Variants in OLFM2 observed in about 807,000 individuals in gnomAD.
The protein encoded by OLFM2 is noelin-2.
A neutral mutation model predicts 43.9 loss-of-function variants in OLFM2; 20 were observed. That is an observed-to-expected ratio of 0.46 (90% CI 0.32 to 0.66). OLFM2 has a LOEUF of 0.66. Ranked by LOEUF, OLFM2 falls within the 30% of genes least tolerant of loss-of-function variation. OLFM2 has a pLI of 0.04. For synonymous variants in OLFM2, 268 were observed against 278.6 expected (o/e 0.96, Z 0.38); for missense variants, 416 against 643.6 (o/e 0.65, Z 3.83).
chr19:9,919,420 C>A (rs2086406168), intron 1 of OLFM2, among the ~76,000 whole-genome samples: 1 of 151,958 alleles, frequency 6.6e-6, no homozygotes, highest in African/African-American at 2.4e-5. Context: ...CCTGCCTCGG[C>A]CTCCCAAAGT....
chr19:9,914,234 C>T (rs1373717204), intron 1 of OLFM2, among the ~76,000 whole-genome samples: 2 of 152,108 alleles, frequency 1.3e-5, no homozygotes, highest in Admixed American at 6.5e-5. Context: ...CGCAAATCCC[C>T]ACCCACCCAC....
intron 1 of OLFM2, among the ~76,000 whole-genome samples, chr19:9,872,475 A>G (rs897868254): frequency 1.3e-5 from 2 of 151,776 alleles, no homozygotes; most frequent in Non-Finnish European, 2.9e-5. Flanking sequence ...AGATCACGCC[A>G]CTGCACTCCA....
intron 1 of OLFM2, among the ~76,000 whole-genome samples, chr19:9,929,303 A>C (rs2086469611): frequency 6.6e-6 from 1 of 152,060 alleles, no homozygotes; most frequent in Admixed American, 6.6e-5. Context: ...TCTCTAAATG[A>C]ATACATGGGC....
At chr19:9,902,898 G>C (rs1273191595) in intron 1 of OLFM2, among the ~76,000 whole-genome samples, 1 of 150,978 alleles carries the variant, frequency 6.6e-6, no homozygotes, top group Admixed American at 6.6e-5. Context: ...GACTGGTCTT[G>C]AACTCCTGAG....
chr19:9,912,438 G>C (rs550730908), intron 1 of OLFM2, among the ~76,000 whole-genome samples: 1 of 152,180 alleles, frequency 6.6e-6, no homozygotes, highest in African/African-American at 2.4e-5. Flanking sequence ...TGGGGCTAAA[G>C]AAAGGGAGCC....
At position 9,857,144 on chromosome 19, in the gene OLFM2, G is replaced by C. The variant is rs2046325708; in HGVS notation, c.580+119C>G. ...TGTAGCCTTAGGTAGGAAGGTCAAG[G>C]GTTGAGGTTTAAAAGTTAGAGGTCA... On this transcript the variant is annotated intron_variant, in intron 4 of 5. Transcript: ENST00000264833. The surrounding 1 kb of genome is among the most constrained non-coding windows in gnomAD (Gnocchi z 5.7). 13 of 1,049,224 alleles carry C rather than the reference G, an allele frequency of 1.2e-5. No individual in the cohort carries two copies. The highest frequency in any genetic ancestry group is 1.9e-5 in the Non-Finnish European group (13 of 688,558). 65.0% of individuals were successfully genotyped at this position (1,049,224 alleles called of 1,614,324 possible).
chr19:9,875,781 T>G (rs1447752798), intron 1 of OLFM2, among the ~76,000 whole-genome samples: 6 of 152,038 alleles, frequency 3.9e-5, no homozygotes, highest in Non-Finnish European at 8.8e-5. Context: ...GTGCTGGGAT[T>G]ACAGGTATGA....
intron 2 of OLFM2, 139 bp downstream of exon 2, chr19:9,860,506 G>A (rs1387674565): frequency 8.5e-6 from 7 of 826,098 alleles, no homozygotes; most frequent in Admixed American, 8.2e-5. Context: ...CCTGCCTGGA[G>A]AGGAGCTGGA....
At chr19:9,925,296 A>G (rs2086446150) in intron 1 of OLFM2, among the ~76,000 whole-genome samples, 1 of 152,130 alleles carries the variant, frequency 6.6e-6, no homozygotes, top group Non-Finnish European at 1.5e-5. Context: ...TATTCAGTTG[A>G]CAAAAACGTT....
chr19:9,879,925 C>T (rs1053529558), intron 1 of OLFM2, among the ~76,000 whole-genome samples: 1 of 152,012 alleles, frequency 6.6e-6, no homozygotes, highest in Admixed American at 6.6e-5. Flanking sequence ...TACAGGTGCA[C>T]ACCACCATGC....
intron 1 of OLFM2, among the ~76,000 whole-genome samples, chr19:9,926,064 G>A (rs2086450731): frequency 6.6e-6 from 1 of 151,996 alleles, no homozygotes. Context: ...TGGAGCCCAG[G>A]AGATAGAGGT....
intron 1 of OLFM2, among the ~76,000 whole-genome samples, chr19:9,908,027 A>T (rs992757407): frequency 1.2e-4 from 19 of 152,110 alleles, no homozygotes; most frequent in South Asian, 2.1e-4. Context: ...AATAAAATTT[A>T]AAAATTTTAA....
intron 1 of OLFM2, among the ~76,000 whole-genome samples, chr19:9,880,134 G>A (rs2046527173): frequency 1.3e-5 from 2 of 152,234 alleles, no homozygotes; most frequent in South Asian, 4.1e-4. Flanking sequence ...AAAGTGCCAG[G>A]ATTACAGATG....
intron 1 of OLFM2, among the ~76,000 whole-genome samples, chr19:9,935,427 T>C (rs2086509276): frequency 6.6e-6 from 1 of 151,900 alleles, no homozygotes; most frequent in African/African-American, 2.4e-5. Context: ...AAAGGTGCCA[T>C]GGGGAGGGAG....
chr19:9,870,665 C>T (rs577713862), intron 1 of OLFM2, among the ~76,000 whole-genome samples: 38 of 152,244 alleles, frequency 2.5e-4, no homozygotes, highest in Non-Finnish European at 1.3e-4. Context: ...TCCCCGCACT[C>T]TCCCCTTCTT....
At chr19:9,863,229 G>A (rs1330003062) in intron 1 of OLFM2, among the ~76,000 whole-genome samples, 2 of 152,154 alleles carry the variant, frequency 1.3e-5, no homozygotes, top group Admixed American at 1.3e-4. Flanking sequence ...CATGTGGCTG[G>A]AGCAGATTGA....
At chr19:9,882,803 A>G (rs10414943) in intron 1 of OLFM2, among the ~76,000 whole-genome samples, 142,984 of 151,670 alleles carry the variant, frequency 0.94, 67,869 homozygotes, top group Non-Finnish European at 1. Flanking sequence ...TCAGCACCTC[A>G]GGAGGCTGAG....
chr19:9,857,347 C>T lies in OLFM2; in HGVS notation c.496G>A (p.Glu166Lys), dbSNP rs1459152451. ...TCCTCATACCCGTAGGCACCCATCT[C>T]CTCCTGAATGGCCGCCAGACTGCCG... The part of the protein sequence containing the change: ...LSGSLAAIQE[E>K]MGAYGYEDLQ... Residue 166 changes from glutamate (E) to lysine (K), a missense_variant, in exon 4 of 6, where the codon GAG becomes AAG. By Grantham distance (56) the Glu-to-Lys change is moderately conservative (BLOSUM62 1). Transcript: ENST00000264833. This position sits in a 1 kb window ranked among gnomAD's most constrained non-coding sequence, Gnocchi z 5.7. 6.8e-6 allele frequency: 11 copies of T among 1,614,042 alleles called. No individual in the cohort carries two copies. Among genetic ancestry groups the T allele is most frequent in the South Asian group, 1.1e-5 (1 of 91,084 alleles).
chr19:9,907,733 G>T (rs1284256480), intron 1 of OLFM2, among the ~76,000 whole-genome samples: 2 of 152,134 alleles, frequency 1.3e-5, no homozygotes, highest in African/African-American at 4.8e-5. Flanking sequence ...GCCGGGCATG[G>T]TGGCTTATGC....
Sources: allele counts gnomAD v4.1 joint callset (sites outside exome capture counted in the v4.1 genomes callset), GRCh38; gene constraint gnomAD v4.1.1; non-coding constraint Gnocchi (gnomAD v3.1); transcripts MANE v1.5; gene names NCBI Gene and HGNC (gene_info 2026-07-23, HGNC 2026-07-21).